Variants in DNAH3 observed in about 807,000 individuals in gnomAD.
DNAH3 encodes axonemal beta dynein heavy chain 3.
Under a neutral mutation model 432.5 loss-of-function variants are expected in DNAH3, and 332 were observed. The ratio of observed to expected loss-of-function variants is 0.77; its 90% CI spans 0.70 to 0.84. The LOEUF (loss-of-function observed/expected upper bound fraction) is 0.84, where lower values mean the gene tolerates loss of function less well. Among genes scored for constraint, DNAH3 ranks in the 40% least tolerant of loss-of-function variants. The pLI, the probability that DNAH3 is intolerant of heterozygous loss-of-function variation, is 0.00. For missense variants in DNAH3, 4,861 were observed against 5,114.0 expected, an observed-to-expected ratio of 0.95 and a Z score of 1.51; for synonymous variants, 1,956 against 1,900.2, an observed-to-expected ratio of 1.03 and a Z score of -0.76.
At chr16:20,948,425 T>TA (rs1279836220) in intron 57 of DNAH3, 58 bp downstream of exon 57, 9 of 1,564,992 alleles carry the variant, frequency 5.8e-6, no homozygotes, top group Middle Eastern at 4.0e-4. Flanking sequence ...CCTGTAGCCA[T>TA]ATAGAGATGA....
chr16:20,969,916 G>A, exon 52 of DNAH3: 7 of 1,614,154 alleles, frequency 4.3e-6, no homozygotes, highest in Non-Finnish European at 5.9e-6. Flanking sequence ...TGTCGGCCGG[G>A]TTCAGGGTGT....
intron 10 of DNAH3, 47 bp downstream of exon 11, chr16:21,121,898 A>G (rs776935244): frequency 5.3e-6 from 8 of 1,518,724 alleles, no homozygotes; most frequent in African/African-American, 1.4e-5. Context: ...CATTTTATTC[A>G]CTAAGTGAAA....
intron 16 of DNAH3, among the ~76,000 whole-genome samples, chr16:21,103,240 C>T (rs759322786): frequency 6.6e-6 from 1 of 150,824 alleles, no homozygotes; most frequent in Non-Finnish European, 1.5e-5. Context: ...GATGGGTGCA[C>T]CAAAATCTCA....
intron 53 of DNAH3, 132 bp from the exon 54 acceptor site, chr16:20,959,536 G>A (rs1360602452): frequency 8.5e-6 from 7 of 824,694 alleles, no homozygotes; most frequent in Admixed American, 2.6e-5. Flanking sequence ...TTGGGAGGCC[G>A]AGGTGGGAGG....
At chr16:21,123,642 A>T (rs2092389236) in intron 9 of DNAH3, among the ~76,000 whole-genome samples, 1 of 152,238 alleles carries the variant, frequency 6.6e-6, no homozygotes. Flanking sequence ...TTAACCTTTT[A>T]TAACCAGGTA....
chr16:21,115,900 G>C (rs2092187951), intron 12 of DNAH3, among the ~76,000 whole-genome samples: 1 of 152,052 alleles, frequency 6.6e-6, no homozygotes, highest in African/African-American at 2.4e-5. Context: ...TTTTGACTAG[G>C]TTAGCAGTTG....
At chr16:21,079,476 A>C (rs748554322) in intron 20 of DNAH3, among the ~76,000 whole-genome samples, 5 of 152,074 alleles carry the variant, frequency 3.3e-5, no homozygotes, top group Admixed American at 6.5e-5. Flanking sequence ...TACAAAAATT[A>C]GCCAGGCATG....
At chr16:21,081,091 TATTTTTAGTAGAAA>T (rs1272503237) in intron 20 of DNAH3, among the ~76,000 whole-genome samples, 2 of 151,960 alleles carry the variant, frequency 1.3e-5, no homozygotes, top group Non-Finnish European at 2.9e-5. Context: ...CTAGCTTTTG[TATTTTTAGTAGAAA>T]CGGGGGTTTC....
intron 44 of DNAH3, among the ~76,000 whole-genome samples, chr16:20,988,818 C>G (rs1039509842): frequency 6.6e-6 from 1 of 151,760 alleles, no homozygotes; most frequent in African/African-American, 2.4e-5. Context: ...TTCTGATGTT[C>G]GAATGTGTTC....
At chr16:21,080,978 C>T (rs1415887198) in intron 20 of DNAH3, among the ~76,000 whole-genome samples, 2 of 151,996 alleles carry the variant, frequency 1.3e-5, no homozygotes, top group African/African-American at 2.4e-5. Context: ...AGTGCAATGG[C>T]GCTATCTTGG....
rs753133530 is a variant in DNAH3, at chr16:21,075,466, A to G, written c.3065T>C (p.Phe1022Ser). The change falls in exon 21 of 62, where the codon TTC becomes TCC. Residue 1022 changes from phenylalanine (F) to serine (S), a missense_variant. Coordinates refer to ENST00000261383, the Ensembl canonical transcript of DNAH3. ...ACTCACAGTGTCCCTGTATTTCACG[A>G]AGCTGAACGTCACGTTAACCCAATC... 47 of 1,613,824 alleles carry G rather than the reference A, an allele frequency of 2.9e-5. No homozygotes were observed. In the South Asian group the frequency reaches 5.2e-4, roughly 18 times the overall value.
chr16:21,005,589 G>A (rs926229274), intron 41 of DNAH3, among the ~76,000 whole-genome samples: 3 of 151,984 alleles, frequency 2.0e-5, no homozygotes, highest in African/African-American at 7.3e-5. Flanking sequence ...ATGTTGCCCA[G>A]GCTGGTCTCA....
chr16:21,104,333 T>G (rs1428934991), intron 16 of DNAH3, 138 bp downstream of exon 16: 3 of 726,382 alleles, frequency 4.1e-6, no homozygotes. Flanking sequence ...AAATGCCTTC[T>G]CCACCAATTG....
intron 3 of DNAH3, among the ~76,000 whole-genome samples, chr16:21,142,906 ACAC>A (rs1266775557): frequency 6.6e-6 from 1 of 152,098 alleles, no homozygotes; most frequent in African/African-American, 2.4e-5. Flanking sequence ...CTCTCAATAA[ACAC>A]AACAATCAAG....
rs1427402135 is a variant in DNAH3 at position 20,987,175 on chromosome 16, ATAC to A, written c.7026+127_7026+129del. On this transcript the variant is annotated intron_variant, in intron 47 of 61. Transcript: ENST00000261383. The stretch of plus-strand genomic sequence containing the variant: ...CAAGTCAAAAAGAGCAGTTGACTCA[ATAC>A]TGTTTCCCGAGATTCAGAGTGCAGA... 3.3e-5 allele frequency: 39 copies of A among 1,167,864 alleles called. No homozygotes were observed. The Middle Eastern group carries it at 4.1e-3, about 122-fold the overall frequency. The allele number at this position is 1,167,864 out of a possible 1,614,324, so 72.3% of individuals were successfully genotyped here. A position where few individuals can be genotyped will look rare whatever the true frequency, so the allele number is the denominator to read the frequency against.
chr16:20,985,769 G>A, intron 47 of DNAH3, 54 bp from the exon 48 acceptor site: 2 of 1,565,792 alleles, frequency 1.3e-6, no homozygotes, highest in Non-Finnish European at 1.7e-6. Flanking sequence ...CAGCCAGGCT[G>A]GTAGGGACAT....
At chr16:21,036,781 A>G (rs1239153525) in exon 35 of DNAH3, 1 of 1,613,262 alleles carries the variant, frequency 6.2e-7, no homozygotes, top group African/African-American at 1.3e-5. Context: ...ATCATTCAGC[A>G]CTTTCAGAAA....
chr16:21,153,741 G>A (rs923310565), intron 1 of DNAH3, among the ~76,000 whole-genome samples: 1 of 151,948 alleles, frequency 6.6e-6, no homozygotes, highest in Non-Finnish European at 1.5e-5. Flanking sequence ...CTCCAGACGC[G>A]CTACCTTAAG....
At chr16:21,110,684 A>AT in intron 14 of DNAH3, among the ~76,000 whole-genome samples, 1 of 152,258 alleles carries the variant, frequency 6.6e-6, no homozygotes, top group East Asian at 1.9e-4. Context: ...GTTGTCAGTA[A>AT]AATAAAGGCA....
Sources: allele counts gnomAD v4.1 joint callset (sites outside exome capture counted in the v4.1 genomes callset), GRCh38; gene constraint gnomAD v4.1.1; transcripts MANE v1.5; gene names NCBI Gene and HGNC (gene_info 2026-07-23, HGNC 2026-07-21).